Variants in TMEM132D observed in about 807,000 individuals in gnomAD.
TMEM132D encodes transmembrane protein 132D, also known as mature OL transmembrane protein.
Under a neutral mutation model 62.3 loss-of-function variants are expected in TMEM132D, and 21 were observed. The observed-to-expected ratio is 0.34, with a 90% CI of 0.24 to 0.49. TMEM132D has a LOEUF of 0.49. Ranked by LOEUF, TMEM132D falls within the 20% of genes least tolerant of loss-of-function variation. The pLI is 0.99. For missense variants in TMEM132D, 1,346 were observed against 1,402.8 expected (o/e 0.96, Z 0.65); for synonymous variants, 621 against 575.6 (o/e 1.08, Z -1.13).
At chr12:129,385,047 TC>T (rs1871067539) in intron 3 of TMEM132D, among the ~76,000 whole-genome samples, 1 of 149,550 alleles carries the variant, frequency 6.7e-6, no homozygotes, top group African/African-American at 2.5e-5. Context: ...GTTTTGTCCA[TC>T]CTGCCATCCA....
rs563725669 is a variant in TMEM132D at position 129,203,082 on chromosome 12, G to A, written c.1443+6438C>T. Among the ~76,000 whole-genome samples, 119 of 152,262 alleles carry A rather than the reference G, an allele frequency of 7.8e-4. 2 individuals are homozygous for A. The highest frequency in any genetic ancestry group is 3.7e-3 in the South Asian group (18 of 4,826). ...CTACTGAACAGTAACCTAACTGCAC[G>A]TTCAACCACACTGTACCTGCTTTTG... On this transcript the variant is annotated intron_variant, in intron 5 of 8. Transcript: ENST00000422113.
chr12:129,332,575 T>G (rs887742189), intron 4 of TMEM132D, among the ~76,000 whole-genome samples: 3 of 152,212 alleles, frequency 2.0e-5, no homozygotes, highest in African/African-American at 7.2e-5. Context: ...AGACTGTTGA[T>G]CTACTTACTT....
chr12:129,647,424 T>A (rs903900131), intron 2 of TMEM132D, among the ~76,000 whole-genome samples: 3 of 152,136 alleles, frequency 2.0e-5, no homozygotes, highest in African/African-American at 7.2e-5. Context: ...TGTTTTGTAG[T>A]TGCTTCTGAC....
rs374959544 is a variant in TMEM132D at position 129,238,996 on chromosome 12, G to GGTTTTTTTTT, written c.1300-29334_1300-29333insAAAAAAAAAC. On this transcript the variant is annotated intron_variant, in intron 4 of 8. Coordinates refer to ENST00000422113, the MANE Select transcript of TMEM132D (RefSeq NM_133448.3). ...TCCTCATCAACATTTGTTATTTTCT[G>GGTTTTTTTTT]TTTTTTTTTTTTTTTTGGACAGTAA... 3.0e-5 allele frequency among the ~76,000 whole-genome samples: 4 copies of GGTTTTTTTTT among 133,040 alleles called. 1 individual carries two copies. 87.3% of individuals were successfully genotyped at this position (133,040 alleles called of 152,430 possible).
chr12:129,125,385 ATCT>A (rs755214103), intron 5 of TMEM132D, among the ~76,000 whole-genome samples: 6 of 152,174 alleles, frequency 3.9e-5, no homozygotes, highest in Non-Finnish European at 8.8e-5. Context: ...CCTAGCTTGA[ATCT>A]TCTTAATCGT....
chr12:129,629,871 C>A (rs1879310594), intron 2 of TMEM132D, among the ~76,000 whole-genome samples: 1 of 152,130 alleles, frequency 6.6e-6, no homozygotes, highest in Non-Finnish European at 1.5e-5. Flanking sequence ...AAGTAGCACA[C>A]AGAGTTGAAT....
intron 1 of TMEM132D, among the ~76,000 whole-genome samples, chr12:129,819,661 G>A (rs981600516): frequency 1.3e-5 from 2 of 152,132 alleles, no homozygotes; most frequent in African/African-American, 2.4e-5. Flanking sequence ...CATCGCTAAC[G>A]GTATGTGTGG....
At chr12:129,431,236 T>C (rs1177564953) in intron 3 of TMEM132D, among the ~76,000 whole-genome samples, 1 of 152,224 alleles carries the variant, frequency 6.6e-6, no homozygotes, top group Non-Finnish European at 1.5e-5. Flanking sequence ...TTCAGTAACT[T>C]ACTCGACAGT....
rs1040516841 is a variant in TMEM132D, at chr12:129,643,829, G to A, written c.968+55981C>T. Reference sequence around the variant, plus strand: ...CACCTTTCCGGACTGAACCAATTCCGAACAGAACCAATGTACCATTTTTTT... The same window carrying A: ...CACCTTTCCGGACTGAACCAATTCCAAACAGAACCAATGTACCATTTTTTT... On this transcript the variant is annotated intron_variant, in intron 2 of 8. Coordinates refer to ENST00000422113, the MANE Select transcript of TMEM132D (RefSeq NM_133448.3). 4.0e-5 allele frequency among the ~76,000 whole-genome samples: 6 copies of A among 149,420 alleles called. No homozygotes were observed. The East Asian group carries it at 7.9e-4, about 20-fold the overall frequency.
intron 3 of TMEM132D, among the ~76,000 whole-genome samples, chr12:129,448,415 C>T (rs1428718979): frequency 6.6e-6 from 1 of 152,140 alleles, no homozygotes; most frequent in African/African-American, 2.4e-5. Flanking sequence ...TGCTGTTCCC[C>T]TCAGTGTGTC....
At chr12:129,621,575 C>T (rs1879069575) in intron 2 of TMEM132D, among the ~76,000 whole-genome samples, 2 of 152,180 alleles carry the variant, frequency 1.3e-5, no homozygotes, top group Admixed American at 1.3e-4. Flanking sequence ...CCCCACTCCT[C>T]TGCCTTGGTG....
At chr12:129,299,677 T>C (rs1488488801) in intron 4 of TMEM132D, among the ~76,000 whole-genome samples, 1 of 148,348 alleles carries the variant, frequency 6.7e-6, no homozygotes, top group Non-Finnish European at 1.5e-5. Flanking sequence ...CTATTAACAA[T>C]GAAATATAAT....
chr12:129,140,372 C>T (rs1043679123), intron 5 of TMEM132D, among the ~76,000 whole-genome samples: 3 of 152,088 alleles, frequency 2.0e-5, no homozygotes, highest in African/African-American at 7.2e-5. Flanking sequence ...GAGACGGTCT[C>T]CCCCCAGAAA....
chr12:129,463,287 T>C (rs1001943265), intron 3 of TMEM132D, among the ~76,000 whole-genome samples: 7 of 151,970 alleles, frequency 4.6e-5, no homozygotes, highest in Non-Finnish European at 1.5e-5. Context: ...CATTCATGAG[T>C]GCCATTTTAT....
chr12:129,185,252 A>T (rs1878188674), intron 5 of TMEM132D, among the ~76,000 whole-genome samples: 1 of 152,192 alleles, frequency 6.6e-6, no homozygotes, highest in South Asian at 2.1e-4. Context: ...TCCAAAACAC[A>T]TCTCTAAGCT....
At chr12:129,844,886 A>G (rs1873312885) in intron 1 of TMEM132D, among the ~76,000 whole-genome samples, 1 of 152,158 alleles carries the variant, frequency 6.6e-6, no homozygotes, top group Non-Finnish European at 1.5e-5. Flanking sequence ...CATTTGAAGG[A>G]AGGATAGAGT....
intron 3 of TMEM132D, among the ~76,000 whole-genome samples, chr12:129,513,851 T>TATTTATTTATTTA (rs1426204608): frequency 7.1e-6 from 1 of 141,726 alleles, no homozygotes; most frequent in Non-Finnish European, 1.5e-5. Context: ...TTTATTTATT[T>TATTTATTTATTTA]TTTTGAGACG....
chr12:129,490,554 G>A (rs1426913690), intron 3 of TMEM132D, among the ~76,000 whole-genome samples: 4 of 140,828 alleles, frequency 2.8e-5, no homozygotes, highest in South Asian at 2.3e-4. Flanking sequence ...TCAGCCTCCC[G>A]AGTAGCTGGG....
chr12:129,337,574 C>G (rs1869332217), intron 4 of TMEM132D, 60 bp downstream of exon 4: 11 of 1,600,352 alleles, frequency 6.9e-6, no homozygotes, highest in Non-Finnish European at 8.5e-6. Flanking sequence ...CTCAGTGCGG[C>G]GCCGGCGCCT....
Sources: gnomAD v4.1 joint callset for allele counts (sites outside exome capture counted in the v4.1 genomes callset) on GRCh38, gnomAD v4.1.1 for gene constraint, MANE v1.5 for transcripts, NCBI Gene and HGNC (gene_info 2026-07-23, HGNC 2026-07-21) for gene names.